The following SLC44A5 variants were observed in gnomAD, a reference collection of about 807,000 sequenced individuals.
SLC44A5 encodes the protein choline transporter-like protein 5.
Under a neutral mutation model 101.8 loss-of-function variants are expected in SLC44A5, and 57 were observed. That is an observed-to-expected ratio of 0.56 (90% CI 0.45 to 0.70). The LOEUF (loss-of-function observed/expected upper bound fraction) is 0.70, where lower values mean the gene tolerates loss of function less well. SLC44A5 is among the 30% of genes least tolerant of loss of function. The probability of loss-of-function intolerance (pLI) is 0.00; values close to 1 mark genes in which losing one functional copy is unlikely to be tolerated. For synonymous variants in SLC44A5, 281 were observed against 290.9 expected (o/e 0.97, Z 0.35); for missense variants, 737 against 853.1 (o/e 0.86, Z 1.70).
At chr1:75,397,132 T>C (rs1200051657) in intron 2 of SLC44A5, among the ~76,000 whole-genome samples, 1 of 152,210 alleles carries the variant, frequency 6.6e-6, no homozygotes, top group African/African-American at 2.4e-5. Flanking sequence ...ACACTACGTG[T>C]GGCCTTTAGC....
the SLC44A5 span, among the ~76,000 whole-genome samples, chr1:75,721,154 C>T: frequency 2.6e-5 from 4 of 152,150 alleles, no homozygotes; most frequent in Admixed American, 1.3e-4. Flanking sequence ...CATGTCCAAC[C>T]CCCACTTCCC....
chr1:75,358,003 TACACACAC>T (rs145085735), intron 3 of SLC44A5, among the ~76,000 whole-genome samples: 7 of 139,164 alleles, frequency 5.0e-5, no homozygotes, highest in African/African-American at 1.7e-4. Context: ...CAATGTCACT[TACACACAC>T]ACACACACAC....
intron 3 of SLC44A5, among the ~76,000 whole-genome samples, chr1:75,389,879 G>A (rs187579686): frequency 2.6e-5 from 4 of 151,974 alleles, no homozygotes; most frequent in East Asian, 3.9e-4. Context: ...ACAAAAAATT[G>A]GTTCTTTGAA....
At position 75,337,703 on chromosome 1, in the gene SLC44A5, C is replaced by G. The variant is rs114373746; in HGVS notation, c.101+1879G>C. On this transcript the variant is annotated intron_variant, in intron 4 of 23. Transcript: ENST00000370859. ...ACACCCAGTTCTTGGTAGATGGGAA[C>G]AAATGAGACACTGAGTTCACCTCTC... Among the ~76,000 whole-genome samples the G allele has an allele frequency of 8.9e-4, 136 of 152,254 alleles. 1 individual carries two copies. The highest frequency in any genetic ancestry group is 2.4e-3 in the Admixed American group (36 of 15,284).
At chr1:75,491,066 T>C (rs1017476144) in intron 2 of SLC44A5, among the ~76,000 whole-genome samples, 1 of 152,164 alleles carries the variant, frequency 6.6e-6, no homozygotes, top group Non-Finnish European at 1.5e-5. Flanking sequence ...TAAATACTTT[T>C]AATTCAAAGC....
chr1:75,429,152 A>T (rs1664470927), intron 2 of SLC44A5, among the ~76,000 whole-genome samples: 1 of 152,172 alleles, frequency 6.6e-6, no homozygotes. Flanking sequence ...AACCATTTCT[A>T]ATATTTAAAC....
At chr1:75,217,982 A>G in intron 17 of SLC44A5, 22 bp from the exon 18 acceptor site, 3 of 1,461,868 alleles carry the variant, frequency 2.1e-6, no homozygotes, top group African/African-American at 1.4e-5. Flanking sequence ...TAAAATGAGA[A>G]TAAGTTAAAA....
At chr1:75,420,986 A>G (rs1011412953) in intron 2 of SLC44A5, among the ~76,000 whole-genome samples, 1 of 152,086 alleles carries the variant, frequency 6.6e-6, no homozygotes, top group Non-Finnish European at 1.5e-5. Context: ...TGAAAATAGC[A>G]AGCATTTAGA....
intron 2 of SLC44A5, among the ~76,000 whole-genome samples, chr1:75,403,199 G>C (rs529235521): frequency 5.9e-5 from 9 of 152,204 alleles, no homozygotes; most frequent in Non-Finnish European, 8.8e-5. Flanking sequence ...GCCCCAGTCA[G>C]GGGCTTATAG....
intron 2 of SLC44A5, among the ~76,000 whole-genome samples, chr1:75,498,153 A>G (rs547267189): frequency 1.3e-5 from 2 of 152,304 alleles, no homozygotes; most frequent in East Asian, 3.9e-4. Flanking sequence ...TCTATTTCTG[A>G]CAGTATATTA....
At chr1:75,383,369 A>G (rs1339431518) in intron 3 of SLC44A5, among the ~76,000 whole-genome samples, 3 of 149,108 alleles carry the variant, frequency 2.0e-5, no homozygotes, top group Admixed American at 6.7e-5. Context: ...CTTTCTCTAT[A>G]CTTTGTCTCT....
intron 13 of SLC44A5, among the ~76,000 whole-genome samples, chr1:75,223,795 A>G (rs146299396): frequency 4.9e-4 from 74 of 152,300 alleles, no homozygotes; most frequent in African/African-American, 1.6e-3. Context: ...TCACTTCTAC[A>G]TCTTCCTTTA....
chr1:75,554,758 A>C (rs1216929221), intron 1 of SLC44A5, among the ~76,000 whole-genome samples: 4 of 152,058 alleles, frequency 2.6e-5, no homozygotes, highest in African/African-American at 4.8e-5. Context: ...AAAAATATAA[A>C]TTTAGGGTAG....
chr1:75,289,336 G>A (rs1653342303), intron 5 of SLC44A5, among the ~76,000 whole-genome samples: 1 of 152,126 alleles, frequency 6.6e-6, no homozygotes, highest in East Asian at 1.9e-4. Flanking sequence ...AGGTCTCTAG[G>A]GTGTTGAAGA....
At chr1:75,573,647 A>G (rs1452633741) in intron 1 of SLC44A5, among the ~76,000 whole-genome samples, 1 of 152,184 alleles carries the variant, frequency 6.6e-6, no homozygotes, top group Non-Finnish European at 1.5e-5. Context: ...CAATGATTAT[A>G]CACAGGGAGC....
At chr1:75,490,898 CTTAT>C (rs1217323413) in intron 2 of SLC44A5, among the ~76,000 whole-genome samples, 1 of 151,696 alleles carries the variant, frequency 6.6e-6, no homozygotes, top group African/African-American at 2.4e-5. Context: ...ACTTATTCTG[CTTAT>C]TATTAAAGGC....
At chr1:75,558,608 AG>A (rs1672349302) in intron 1 of SLC44A5, among the ~76,000 whole-genome samples, 2 of 152,112 alleles carry the variant, frequency 1.3e-5, no homozygotes, top group Non-Finnish European at 2.9e-5. Flanking sequence ...ATCATATTCA[AG>A]AAAATCCCCA....
chr1:75,701,485 G>T, the SLC44A5 span, among the ~76,000 whole-genome samples: 141,341 of 152,088 alleles, frequency 0.93, 65,892 homozygotes, highest in African/African-American at 0.97. Flanking sequence ...CTCAATAAAT[G>T]AGGTATTGAT....
At chr1:75,552,533 C>T (rs1328293570) in intron 1 of SLC44A5, among the ~76,000 whole-genome samples, 1 of 151,914 alleles carries the variant, frequency 6.6e-6, no homozygotes, top group African/African-American at 2.4e-5. Flanking sequence ...TATATGCCAA[C>T]CTCAACATCA....
Sources: allele counts gnomAD v4.1 joint callset (sites outside exome capture counted in the v4.1 genomes callset), GRCh38; gene constraint gnomAD v4.1.1; transcripts MANE v1.5; gene names NCBI Gene and HGNC (gene_info 2026-07-23, HGNC 2026-07-21).